The following PCCA variants were observed in gnomAD, a reference collection of about 807,000 sequenced individuals.
The protein encoded by PCCA is propionyl-CoA carboxylase subunit alpha, also known as propionyl-CoA carboxylase alpha chain, mitochondrial.
A neutral mutation model predicts 101.3 loss-of-function variants in PCCA; 74 were observed. The observed-to-expected ratio is 0.73, with a 90% confidence interval of 0.61 to 0.89. The LOEUF is 0.89. PCCA is among the 40% of genes least tolerant of loss of function. PCCA has a pLI of 0.00. For missense variants in PCCA, 891 were observed against 907.0 expected (o/e 0.98, Z 0.23); for synonymous variants, 294 against 313.6 (o/e 0.94, Z 0.66).
At chr13:100,129,439 C>G (rs964866515) in intron 4 of PCCA, among the ~76,000 whole-genome samples, 3 of 152,120 alleles carry the variant, frequency 2.0e-5, no homozygotes, top group Admixed American at 6.5e-5. Context: ...ATGTTTATTG[C>G]TCTTCATGCT....
At position 100,089,233 on chromosome 13, in the gene PCCA, G is replaced by T; in HGVS notation, c.105+8G>T. ...GCGCTGCGGACCCTGAAGGTGAGGA[G>T]CAACGGGGCCTCGCGGGTCCGGGCT... On this transcript the variant is annotated splice_region_variant and intron_variant, in intron 1 of 23. Transcript: ENST00000376285. 6.7e-7 allele frequency: 1 copy of T among 1,496,862 alleles called. No individual in the cohort carries two copies. The highest frequency in any genetic ancestry group is 8.9e-7 in the Non-Finnish European group (1 of 1,121,914). The allele number at this position is 1,496,862 out of a possible 1,614,324, so 92.7% of individuals were successfully genotyped here.
intron 6 of PCCA, among the ~76,000 whole-genome samples, chr13:100,164,832 C>T (rs897022472): frequency 6.6e-6 from 1 of 152,150 alleles, no homozygotes. Flanking sequence ...ACATATTAAA[C>T]ACTAATTCCC....
chr13:100,202,319 G>C (rs528748038), intron 6 of PCCA, among the ~76,000 whole-genome samples: 1 of 152,128 alleles, frequency 6.6e-6, no homozygotes, highest in African/African-American at 2.4e-5. Flanking sequence ...GGGTAACAGA[G>C]CAAGACCCTG....
intron 1 of PCCA, among the ~76,000 whole-genome samples, chr13:100,093,676 G>T (rs1408117017): frequency 6.6e-6 from 1 of 152,184 alleles, no homozygotes; most frequent in Non-Finnish European, 1.5e-5. Context: ...CCCTTTGGGA[G>T]GCCAAAGTGG....
At chr13:100,400,635 T>TTTTTTTTTTTTTTTTTTC (rs2077298046) in intron 19 of PCCA, among the ~76,000 whole-genome samples, 1 of 141,114 alleles carries the variant, frequency 7.1e-6, no homozygotes, top group African/African-American at 2.7e-5. Context: ...TAGTTCTTTT[T>TTTTTTTTTTTTTTTTTTC]TTTTTTTTTT....
At chr13:100,525,152 C>G (rs1420317938) in intron 22 of PCCA, among the ~76,000 whole-genome samples, 2 of 152,140 alleles carry the variant, frequency 1.3e-5, no homozygotes, top group Admixed American at 6.5e-5. Flanking sequence ...GGATCTAATT[C>G]TATGATTCAG....
At chr13:100,293,963 G>A (rs2065323434) in intron 12 of PCCA, among the ~76,000 whole-genome samples, 4 of 152,138 alleles carry the variant, frequency 2.6e-5, no homozygotes, top group African/African-American at 7.2e-5. Context: ...TTTAAAACTG[G>A]TCTTTGTATT....
intron 15 of PCCA, 93 bp from the exon 16 acceptor site, chr13:100,309,740 T>G (rs993300975): frequency 5.0e-6 from 4 of 802,234 alleles, no homozygotes; most frequent in Non-Finnish European, 6.0e-6. Flanking sequence ...TTTAGAAATC[T>G]GTTATGAAAT....
At chr13:100,151,211 G>T in intron 4 of PCCA, 1 of 620,288 alleles carries the variant, frequency 1.6e-6, no homozygotes, top group Non-Finnish European at 2.8e-6. Flanking sequence ...CACATCTGTT[G>T]TTCTAGTTAT....
chr13:100,404,236 T>G (rs901563121), intron 19 of PCCA, among the ~76,000 whole-genome samples: 9 of 152,302 alleles, frequency 5.9e-5, no homozygotes, highest in African/African-American at 1.9e-4. Context: ...TTTACCAGTT[T>G]GCACAGGGAG....
At chr13:100,244,166 A>T (rs2061311870) in intron 8 of PCCA, among the ~76,000 whole-genome samples, 1 of 152,218 alleles carries the variant, frequency 6.6e-6, no homozygotes, top group East Asian at 1.9e-4. Flanking sequence ...AATAACGCCT[A>T]AGGAAAAGTT....
chr13:100,249,724 C>A (rs1054625312), intron 8 of PCCA, among the ~76,000 whole-genome samples: 2 of 152,112 alleles, frequency 1.3e-5, no homozygotes, highest in Non-Finnish European at 2.9e-5. Flanking sequence ...ATTATCTCTA[C>A]ATTTAGATTT....
At chr13:100,378,663 A>C (rs1056074183) in intron 19 of PCCA, among the ~76,000 whole-genome samples, 2 of 152,044 alleles carry the variant, frequency 1.3e-5, no homozygotes, top group Non-Finnish European at 2.9e-5. Flanking sequence ...GCATTATTTC[A>C]AAAGACTTCT....
At chr13:100,296,547 C>T (rs1320042374) in intron 12 of PCCA, among the ~76,000 whole-genome samples, 2 of 152,058 alleles carry the variant, frequency 1.3e-5, no homozygotes, top group African/African-American at 4.8e-5. Flanking sequence ...CCACCGTACC[C>T]TGACGTATTT....
At chr13:100,125,135 T>TTTG (rs137918646) in intron 4 of PCCA, among the ~76,000 whole-genome samples, 1 of 149,126 alleles carries the variant, frequency 6.7e-6, no homozygotes, top group African/African-American at 2.5e-5. Flanking sequence ...GACCTTTTAT[T>TTTG]TGTGTGTGTG....
intron 19 of PCCA, among the ~76,000 whole-genome samples, chr13:100,372,654 A>G (rs2152817345): frequency 6.6e-6 from 1 of 152,002 alleles, no homozygotes; most frequent in African/African-American, 2.4e-5. Flanking sequence ...CAAAGTAACC[A>G]CTCTGTCAGA....
At chr13:100,460,419 A>G (rs2082093189) in intron 21 of PCCA, among the ~76,000 whole-genome samples, 1 of 152,196 alleles carries the variant, frequency 6.6e-6, no homozygotes, top group Non-Finnish European at 1.5e-5. Flanking sequence ...CAATGTTTGT[A>G]TGAAAGAGAA....
intron 4 of PCCA, among the ~76,000 whole-genome samples, chr13:100,137,365 A>G (rs1004255941): frequency 2.0e-5 from 3 of 152,212 alleles, no homozygotes; most frequent in Non-Finnish European, 2.9e-5. Flanking sequence ...GTGAGATACA[A>G]CTGGTTTGTG....
chr13:100,265,740 C>T (rs2062891838), intron 10 of PCCA, among the ~76,000 whole-genome samples: 1 of 152,086 alleles, frequency 6.6e-6, no homozygotes, highest in Non-Finnish European at 1.5e-5. Flanking sequence ...CTCCCTCCCT[C>T]CTTCTTTCTG....
Sources: allele counts gnomAD v4.1 joint callset (sites outside exome capture counted in the v4.1 genomes callset), GRCh38; gene constraint gnomAD v4.1.1; transcripts MANE v1.5; gene names NCBI Gene and HGNC (gene_info 2026-07-23, HGNC 2026-07-21).